GLYATL2: variants seen among roughly 807,000 people sequenced by gnomAD.
GLYATL2 encodes glycine-N-acyltransferase like 2, also known as glycine N-acyltransferase-like protein 2.
A neutral mutation model predicts 21.4 loss-of-function variants in GLYATL2; 25 were observed. That is an observed-to-expected ratio of 1.17 (90% CI 0.85 to 1.63). The LOEUF is 1.63. Ranked by LOEUF, GLYATL2 falls within the 40% of genes most tolerant of loss-of-function variation. The pLI, the probability that GLYATL2 is intolerant of heterozygous loss-of-function variation, is 0.00. For missense variants in GLYATL2, 361 were observed against 343.3 expected, an observed-to-expected ratio of 1.05 and a Z score of -0.41; for synonymous variants, 114 against 118.2, an observed-to-expected ratio of 0.96 and a Z score of 0.23.
At chr11:58,904,231 A>G (rs1371988572), upstream of GLYATL2, 1 of 152,072 alleles carries the variant, frequency 6.6e-6, no homozygotes, top group Non-Finnish European at 1.5e-5. Flanking sequence ...CACACCTCCT[A>G]TTGTCCTCCT....
chr11:58,872,927 T>C (rs1854152697), intron 1 of GLYATL2, among the ~76,000 whole-genome samples: 2 of 152,226 alleles, frequency 1.3e-5, no homozygotes, highest in Admixed American at 1.3e-4. Context: ...GCATGGAATG[T>C]TCTTCCATTC....
At chr11:58,869,062 T>A (rs551921917) in intron 1 of GLYATL2, among the ~76,000 whole-genome samples, 7 of 128,518 alleles carry the variant, frequency 5.4e-5, no homozygotes, top group Non-Finnish European at 1.1e-4. Context: ...TTTGAGAAAT[T>A]CTGTAGGAAT....
At chr11:58,857,015 A>T (rs1853840126) in intron 1 of GLYATL2, among the ~76,000 whole-genome samples, 1 of 152,140 alleles carries the variant, frequency 6.6e-6, no homozygotes, top group Non-Finnish European at 1.5e-5. Context: ...GCCTGTACTG[A>T]TTTAATTTCC....
chr11:58,881,446 AT>A (rs891335751), intron 1 of GLYATL2, among the ~76,000 whole-genome samples: 19 of 151,676 alleles, frequency 1.3e-4, no homozygotes, highest in African/African-American at 3.4e-4. Context: ...AAAATTATTC[AT>A]TTTTTTTTAA....
intron 1 of GLYATL2, among the ~76,000 whole-genome samples, chr11:58,871,128 A>G (rs1854110694): frequency 6.6e-6 from 1 of 152,178 alleles, no homozygotes; most frequent in Admixed American, 6.5e-5. Context: ...TTGATCTGAG[A>G]CATAATGAAT....
At chr11:58,881,481 G>A (rs1230196720) in intron 1 of GLYATL2, among the ~76,000 whole-genome samples, 1 of 152,124 alleles carries the variant, frequency 6.6e-6, no homozygotes, top group Non-Finnish European at 1.5e-5. Flanking sequence ...ACTGGGACAA[G>A]TTCCAAAATG....
chr11:58,896,130 C>T (rs72915131), intron 1 of GLYATL2, among the ~76,000 whole-genome samples: 15,515 of 152,178 alleles, frequency 0.1, 974 homozygotes, highest in African/African-American at 0.18. Flanking sequence ...GCGAGTATTA[C>T]AGGCATGAGC....
rs112462102 is a variant in GLYATL2, at chr11:58,876,709, G to A, written n.60+27447C>T. On this transcript the variant is annotated intron_variant and non_coding_transcript_variant, in intron 1 of 4. Transcript: ENST00000533636. ...TGTCTGTCCGCCCCTACTGGGGGGT[G>A]CCTCCCAGTTAGGCTACTTGGGGGT... Among the ~76,000 whole-genome samples, 353 of 152,334 alleles carry A rather than the reference G, an allele frequency of 2.3e-3. 3 individuals carry two copies. The highest frequency in any genetic ancestry group is 7.1e-3 in the African/African-American group (297 of 41,582).
upstream of GLYATL2, among the ~76,000 whole-genome samples, chr11:58,845,452 A>C (rs931450866): frequency 6.6e-6 from 1 of 152,174 alleles, no homozygotes; most frequent in Non-Finnish European, 1.5e-5. Flanking sequence ...TTTGGTTTTT[A>C]ATTAGCCAGA....
chr11:58,857,554 C>T (rs1047206644), intron 1 of GLYATL2, among the ~76,000 whole-genome samples: 4 of 152,162 alleles, frequency 2.6e-5, no homozygotes, highest in African/African-American at 7.2e-5. Context: ...ACCGTTACCA[C>T]TAGTGCTACA....
At chr11:58,844,361 A>G (rs779993190) in intron 1 of GLYATL2, 73 bp downstream of exon 1, 7 of 152,228 alleles carry the variant, frequency 4.6e-5, no homozygotes, top group African/African-American at 1.4e-4. Context: ...AACAAATACA[A>G]ATGATTTAGA....
In GLYATL2 at chr11:58,885,402, A is replaced by G. The variant is rs74376538; in HGVS notation, n.60+18754T>C. On this transcript the variant is annotated intron_variant and non_coding_transcript_variant, in intron 1 of 4. Coordinates refer to the GLYATL2 transcript ENST00000533636. ...CAGATCCCCATCTCTAGGGATCTCA[A>G]CCTCTCCTAGTCCTTTCCATCTCTC... is the stretch of plus-strand genomic sequence containing the variant. 988 of 395,712 alleles carry G rather than the reference A, an allele frequency of 2.5e-3. 11 individuals carry two copies. The highest frequency in any genetic ancestry group is 0.019 in the African/African-American group (931 of 48,772). The allele number at this position is 395,712 out of a possible 1,614,324, so 24.5% of individuals were successfully genotyped here.
At chr11:58,877,498 A>G (rs1854258333) in intron 1 of GLYATL2, among the ~76,000 whole-genome samples, 1 of 152,232 alleles carries the variant, frequency 6.6e-6, no homozygotes, top group African/African-American at 2.4e-5. Context: ...ATGAGAGCCA[A>G]TGATTGATCT....
At chr11:58,883,499 C>T (rs911132637) in intron 1 of GLYATL2, among the ~76,000 whole-genome samples, 10 of 152,150 alleles carry the variant, frequency 6.6e-5, no homozygotes, top group African/African-American at 1.7e-4. Flanking sequence ...CACATACACC[C>T]TCCCAAGACT....
upstream of GLYATL2, chr11:58,905,518 A>G (rs772441755): frequency 8.8e-6 from 4 of 456,144 alleles, no homozygotes; most frequent in African/African-American, 2.0e-5. Context: ...CCCACTCGCA[A>G]TCAAAAGGCG....
intron 1 of GLYATL2, among the ~76,000 whole-genome samples, chr11:58,871,855 C>A (rs1190079162): frequency 2.0e-5 from 3 of 152,180 alleles, no homozygotes; most frequent in African/African-American, 7.2e-5. Flanking sequence ...TGAGGAATTG[C>A]CACACTGTCT....
intron 1 of GLYATL2, among the ~76,000 whole-genome samples, chr11:58,859,536 G>A (rs527426786): frequency 6.6e-6 from 1 of 152,102 alleles, no homozygotes; most frequent in South Asian, 2.1e-4. Flanking sequence ...CAGATGTATG[G>A]TTTGCAAAGA....
intron 1 of GLYATL2, among the ~76,000 whole-genome samples, chr11:58,861,847 A>T (rs500047): frequency 0.89 from 134,942 of 152,076 alleles, 61,022 homozygotes; most frequent in Non-Finnish European, 0.98. Context: ...AAATGTATCC[A>T]GTTATTAATT....
chr11:58,842,950 T>C (rs1326040830), intron 1 of GLYATL2, among the ~76,000 whole-genome samples: 13 of 152,354 alleles, frequency 8.5e-5, no homozygotes, highest in South Asian at 2.1e-4. Context: ...TCCATTTAGT[T>C]CATTGTTTTA....
Sources: allele counts gnomAD v4.1 joint callset (sites outside exome capture counted in the v4.1 genomes callset), GRCh38; gene constraint gnomAD v4.1.1; transcripts MANE v1.5; gene names NCBI Gene and HGNC (gene_info 2026-07-23, HGNC 2026-07-21).